FUT8: variants seen among roughly 807,000 people sequenced by gnomAD.
FUT8 encodes the protein alpha-(1,6)-fucosyltransferase.
Under a neutral mutation model 71.3 loss-of-function variants are expected in FUT8, and 29 were observed. The observed-to-expected ratio is 0.41, with a 90% CI of 0.30 to 0.55. The LOEUF (loss-of-function observed/expected upper bound fraction) is 0.55, where lower values mean the gene tolerates loss of function less well. Among genes scored for constraint, FUT8 ranks in the 20% least tolerant of loss-of-function variants. FUT8 has a pLI of 0.34. For synonymous variants in FUT8, 254 were observed against 239.3 expected, an observed-to-expected ratio of 1.06 and a Z score of -0.57; for missense variants, 544 against 702.1, an observed-to-expected ratio of 0.77 and a Z score of 2.55.
intron 9 of FUT8, among the ~76,000 whole-genome samples, chr14:65,727,011 G>A (rs1031807816): frequency 1.3e-5 from 2 of 152,154 alleles, no homozygotes; most frequent in Non-Finnish European, 2.9e-5. Flanking sequence ...TTGACTCCAC[G>A]CCTCACAGCC....
chr14:65,439,819 G>A (rs1244127755), intron 1 of FUT8, among the ~76,000 whole-genome samples: 3 of 151,564 alleles, frequency 2.0e-5, no homozygotes, highest in Admixed American at 1.3e-4. Context: ...AGTTCTGCTC[G>A]TGGATCTCTT....
intron 2 of FUT8, among the ~76,000 whole-genome samples, chr14:65,537,597 C>G (rs998939946): frequency 6.6e-6 from 1 of 152,072 alleles, no homozygotes; most frequent in Non-Finnish European, 1.5e-5. Flanking sequence ...CCATGTTAGC[C>G]AGGATGGTCT....
chr14:65,478,788 A>G lies in FUT8; in HGVS notation c.-228+23070A>G, dbSNP rs148120533. On this transcript the variant is annotated intron_variant, in intron 2 of 10. Transcript: ENST00000673929. ...TTTCTTTGTCTTCCGTGTTCAGCCT[A>G]TAAAGCTTACAGCCCACACTGCTGT... Among the ~76,000 whole-genome samples the G allele has an allele frequency of 4.6e-3, 697 of 152,336 alleles. 5 individuals carry two copies. The highest frequency in any genetic ancestry group is 8.1e-3 in the Non-Finnish European group (549 of 68,012).
intron 2 of FUT8, among the ~76,000 whole-genome samples, chr14:65,481,132 T>A (rs1016600099): frequency 5.9e-5 from 9 of 152,218 alleles, no homozygotes; most frequent in African/African-American, 9.7e-5. Flanking sequence ...GGTTTTTTTT[T>A]ATAATCATCA....
chr14:65,441,423 G>T (rs1247747982), intron 1 of FUT8, among the ~76,000 whole-genome samples: 2 of 152,120 alleles, frequency 1.3e-5, no homozygotes, highest in African/African-American at 4.8e-5. Flanking sequence ...GATTTGTTTA[G>T]TAGGTAAATT....
the FUT8 span, among the ~76,000 whole-genome samples, chr14:65,390,763 A>G: frequency 0.79 from 116,752 of 147,260 alleles, 46,959 homozygotes; most frequent in Non-Finnish European, 0.87. Flanking sequence ...TCGCTATGTC[A>G]CCCTGGCTGG....
chr14:65,439,954 G>GTGTATGTATATATATATA, intron 1 of FUT8, among the ~76,000 whole-genome samples: 31 of 74,976 alleles, frequency 4.1e-4, no homozygotes, highest in African/African-American at 1.2e-3. Context: ...GTGTGTGTGT[G>GTGTATGTATATATATATA]TATATATATA....
At chr14:65,731,837 T>G (rs745966837) in intron 9 of FUT8, among the ~76,000 whole-genome samples, 18 of 152,124 alleles carry the variant, frequency 1.2e-4, no homozygotes, top group Admixed American at 5.2e-4. Flanking sequence ...GCTCTTTTAG[T>G]TAGGAAGGCC....
chr14:65,655,829 C>T (rs1461296521), intron 6 of FUT8, among the ~76,000 whole-genome samples: 1 of 152,162 alleles, frequency 6.6e-6, no homozygotes, highest in African/African-American at 2.4e-5. Flanking sequence ...CATTGTGATA[C>T]ATCATTATCA....
chr14:65,455,524 T>A, intron 1 of FUT8, 97 bp from the exon 2 acceptor site: 1 of 394,604 alleles, frequency 2.5e-6, no homozygotes, highest in Non-Finnish European at 4.5e-6. Context: ...TATGACTGGC[T>A]ACATAAAGAA....
At chr14:65,552,003 A>G (rs1885315677) in intron 2 of FUT8, among the ~76,000 whole-genome samples, 1 of 152,174 alleles carries the variant, frequency 6.6e-6, no homozygotes, top group Admixed American at 6.5e-5. Context: ...TGTGTAATAC[A>G]TAAGGATTTT....
intron 3 of FUT8, among the ~76,000 whole-genome samples, chr14:65,590,908 A>G (rs58115860): frequency 0.12 from 18,974 of 152,174 alleles, 1,527 homozygotes; most frequent in East Asian, 0.38. Context: ...GGAATTTTAG[A>G]CATTTGTCAT....
chr14:65,533,018 T>A lies in FUT8; in HGVS notation c.-227-28319T>A, dbSNP rs566887726. On this transcript the variant is annotated intron_variant, in intron 2 of 10. Coordinates refer to ENST00000673929, the MANE Select transcript of FUT8 (RefSeq NM_001371533.1). The stretch of plus-strand genomic sequence containing the variant: ...TGTGTCTGTGTTTTTTGTTTTGTTT[T>A]GTTTGTTTACCAGTACCATGCTGTT... 1.1e-4 allele frequency among the ~76,000 whole-genome samples: 17 copies of A among 152,158 alleles called. 1 individual carries two copies. Among genetic ancestry groups the A allele is most frequent in the Non-Finnish European group, 2.2e-4 (15 of 67,998 alleles).
At chr14:65,617,125 A>G (rs1208062890) in intron 5 of FUT8, 17 of 1,598,110 alleles carry the variant, frequency 1.1e-5, no homozygotes, top group Non-Finnish European at 1.4e-5. Flanking sequence ...TTAGTGAACA[A>G]TAAAAGAAAA....
chr14:65,590,540 T>A (rs944215712), intron 3 of FUT8, among the ~76,000 whole-genome samples: 8 of 152,158 alleles, frequency 5.3e-5, no homozygotes, highest in African/African-American at 1.9e-4. Flanking sequence ...TGAAAAAGGT[T>A]TAATTGCCTA....
At chr14:65,536,150 A>G (rs1884297396) in intron 2 of FUT8, among the ~76,000 whole-genome samples, 1 of 152,030 alleles carries the variant, frequency 6.6e-6, no homozygotes, top group Non-Finnish European at 1.5e-5. Flanking sequence ...GTGTCATTGC[A>G]CGTGAGATGT....
intron 7 of FUT8, among the ~76,000 whole-genome samples, chr14:65,707,426 A>AT (rs1010652128): frequency 6.0e-5 from 9 of 150,946 alleles, no homozygotes; most frequent in African/African-American, 9.7e-5. Flanking sequence ...ATGGCTTGCA[A>AT]TTTTTTTTTC....
At chr14:65,368,977 GATATATT>G in the FUT8 span, among the ~76,000 whole-genome samples, 139 of 152,290 alleles carry the variant, frequency 9.1e-4, 1 homozygote, top group Admixed American at 2.2e-3. Flanking sequence ...TACTTTTAAT[GATATATT>G]ATGTTTAACC....
chr14:65,499,839 G>C (rs994824840), intron 2 of FUT8, among the ~76,000 whole-genome samples: 1 of 148,760 alleles, frequency 6.7e-6, no homozygotes, highest in Non-Finnish European at 1.5e-5. Flanking sequence ...AAAAATGCCA[G>C]CAAATAGTAT....
Sources: gnomAD v4.1 joint callset for allele counts (sites outside exome capture counted in the v4.1 genomes callset) on GRCh38, gnomAD v4.1.1 for gene constraint, MANE v1.5 for transcripts, NCBI Gene and HGNC (gene_info 2026-07-23, HGNC 2026-07-21) for gene names.